Variants in MACROD2 observed in about 807,000 individuals in gnomAD.
MACROD2 encodes the protein mono-ADP ribosylhydrolase 2, also known as ADP-ribose glycohydrolase MACROD2.
In MACROD2, 36 loss-of-function variants were observed where a neutral mutation model predicts 70.4. That is an observed-to-expected ratio of 0.51 (90% CI 0.39 to 0.68). MACROD2 has a LOEUF of 0.68. Ranked by LOEUF, MACROD2 falls within the 30% of genes least tolerant of loss-of-function variation. The probability of loss-of-function intolerance (pLI) is 0.00; values close to 1 mark genes in which losing one functional copy is unlikely to be tolerated. For synonymous variants in MACROD2, 172 were observed against 178.8 expected (o/e 0.96, Z 0.30); for missense variants, 496 against 538.4 (o/e 0.92, Z 0.78).
intron 8 of MACROD2, among the ~76,000 whole-genome samples, chr20:15,746,287 T>G (rs974634814): frequency 6.6e-6 from 1 of 152,028 alleles, no homozygotes; most frequent in Admixed American, 6.6e-5. Context: ...CTGTAAATAA[T>G]GTATTTTAAT....
intron 5 of MACROD2, among the ~76,000 whole-genome samples, chr20:14,898,663 C>T (rs143558840): frequency 7.5e-4 from 114 of 152,290 alleles, no homozygotes; most frequent in African/African-American, 2.4e-3. Context: ...CCCAACTCCA[C>T]TGGGCACTCT....
intron 6 of MACROD2, among the ~76,000 whole-genome samples, chr20:15,417,114 C>G (rs2046163039): frequency 6.6e-6 from 1 of 152,110 alleles, no homozygotes; most frequent in Non-Finnish European, 1.5e-5. Context: ...GCAACCTGCT[C>G]CTTCTCCAAT....
At chr20:14,055,743 G>GTTT (rs4052957) in intron 2 of MACROD2, among the ~76,000 whole-genome samples, 1 of 146,052 alleles carries the variant, frequency 6.8e-6, no homozygotes. Flanking sequence ...GATCAGTACT[G>GTTT]TTTTTTTTTT....
intron 8 of MACROD2, among the ~76,000 whole-genome samples, chr20:15,634,677 T>A (rs561054155): frequency 3.9e-5 from 6 of 152,328 alleles, no homozygotes; most frequent in African/African-American, 1.4e-4. Context: ...ATTCCATTGG[T>A]GGTAGAGATG....
intron 9 of MACROD2, among the ~76,000 whole-genome samples, chr20:15,884,582 G>A (rs1044908832): frequency 2.6e-5 from 4 of 152,056 alleles, no homozygotes; most frequent in African/African-American, 7.2e-5. Context: ...TGTAAAAGGA[G>A]TGAGATACAG....
chr20:15,555,028 A>C (rs1480372419), intron 8 of MACROD2, among the ~76,000 whole-genome samples: 2 of 152,208 alleles, frequency 1.3e-5, no homozygotes, highest in Admixed American at 1.3e-4. Context: ...GTGGAATTTG[A>C]GTTATTCTTG....
intron 4 of MACROD2, among the ~76,000 whole-genome samples, chr20:14,646,345 T>C (rs953657672): frequency 6.6e-6 from 1 of 152,106 alleles, no homozygotes; most frequent in African/African-American, 2.4e-5. Context: ...AAACTTGTGA[T>C]GAAAATCTAG....
intron 15 of MACROD2, among the ~76,000 whole-genome samples, chr20:16,018,780 A>G (rs761562050): frequency 6.6e-6 from 1 of 152,048 alleles, no homozygotes; most frequent in Non-Finnish European, 1.5e-5. Context: ...AAACATACAC[A>G]AGTCTTTCTT....
intron 7 of MACROD2, among the ~76,000 whole-genome samples, chr20:15,450,010 A>G (rs1052638456): frequency 6.6e-5 from 10 of 152,206 alleles, no homozygotes; most frequent in African/African-American, 2.4e-4. Flanking sequence ...ATAAATAAAC[A>G]TATAAAAATA....
chr20:14,989,458 G>A (rs773567055), intron 5 of MACROD2, among the ~76,000 whole-genome samples: 6 of 152,138 alleles, frequency 3.9e-5, no homozygotes, highest in East Asian at 1.9e-4. Context: ...CAAAAAGTAC[G>A]CATTCAAGAA....
At chr20:15,434,112 A>C (rs1430811058) in intron 7 of MACROD2, among the ~76,000 whole-genome samples, 3 of 151,980 alleles carry the variant, frequency 2.0e-5, no homozygotes, top group African/African-American at 7.2e-5. Context: ...TCTTCTAGAC[A>C]CTGGCTTAGG....
At chr20:15,981,950 TA>T (rs907889854) in intron 13 of MACROD2, among the ~76,000 whole-genome samples, 5 of 152,290 alleles carry the variant, frequency 3.3e-5, no homozygotes, top group African/African-American at 9.6e-5. Flanking sequence ...ACATTTTACA[TA>T]AATATGATTC....
chr20:14,603,253 G>A (rs62202907), intron 4 of MACROD2, among the ~76,000 whole-genome samples: 28,588 of 152,146 alleles, frequency 0.19, 3,361 homozygotes, highest in Non-Finnish European at 0.26. Context: ...GCACTAGAGT[G>A]GGGAGGAACT....
At chr20:15,076,981 G>C (rs1006708291) in intron 5 of MACROD2, among the ~76,000 whole-genome samples, 1 of 152,130 alleles carries the variant, frequency 6.6e-6, no homozygotes, top group Non-Finnish European at 1.5e-5. Flanking sequence ...TGCTTTATAG[G>C]TTTTGGCATT....
intron 5 of MACROD2, among the ~76,000 whole-genome samples, chr20:15,166,200 T>G (rs918423878): frequency 1.3e-5 from 2 of 152,148 alleles, no homozygotes; most frequent in Non-Finnish European, 2.9e-5. Context: ...ATCACTGGAT[T>G]TTACTACAGT....
At chr20:15,542,176 G>A (rs2047966305) in intron 8 of MACROD2, among the ~76,000 whole-genome samples, 1 of 152,246 alleles carries the variant, frequency 6.6e-6, no homozygotes, top group Non-Finnish European at 1.5e-5. Flanking sequence ...GTTGGAGTCA[G>A]ATCGACATCT....
chr20:14,085,855 CTTCTT>C, intron 3 of MACROD2, 127 bp downstream of exon 3: 1 of 521,322 alleles, frequency 1.9e-6, no homozygotes, highest in Non-Finnish European at 3.3e-6. Flanking sequence ...TTCTGTTTCT[CTTCTT>C]GATTAAAAAC....
intron 6 of MACROD2, among the ~76,000 whole-genome samples, chr20:15,359,608 A>G (rs1336474270): frequency 2.6e-5 from 4 of 151,934 alleles, no homozygotes; most frequent in Non-Finnish European, 5.9e-5. Flanking sequence ...GTCAAGTTAT[A>G]GTTATCCAAA....
At chr20:14,993,997 T>C (rs1443400307) in intron 5 of MACROD2, among the ~76,000 whole-genome samples, 1 of 152,154 alleles carries the variant, frequency 6.6e-6, no homozygotes, top group Non-Finnish European at 1.5e-5. Flanking sequence ...AAACTATCTC[T>C]TGTTGAATCT....
Sources: allele counts gnomAD v4.1 joint callset (sites outside exome capture counted in the v4.1 genomes callset), GRCh38; gene constraint gnomAD v4.1.1; transcripts MANE v1.5; gene names NCBI Gene and HGNC (gene_info 2026-07-23, HGNC 2026-07-21).